ADGRB3: variants seen among roughly 807,000 people sequenced by gnomAD.
The protein encoded by ADGRB3 is brain-specific angiogenesis inhibitor 3.
A neutral mutation model predicts 193.4 loss-of-function variants in ADGRB3; 37 were observed. The observed-to-expected ratio is 0.19, with a 90% CI of 0.15 to 0.25. The LOEUF is 0.25. Ranked by LOEUF, ADGRB3 falls within the 10% of genes least tolerant of loss-of-function variation. The probability of loss-of-function intolerance (pLI) is 1.00; values close to 1 mark genes in which losing one functional copy is unlikely to be tolerated. For synonymous variants in ADGRB3, 690 were observed against 644.2 expected (o/e 1.07, Z -1.08); for missense variants, 1,637 against 1,852.9 (o/e 0.88, Z 2.14).
intron 3 of ADGRB3, among the ~76,000 whole-genome samples, chr6:68,922,539 C>G (rs1409842484): frequency 6.6e-6 from 1 of 152,208 alleles, no homozygotes; most frequent in African/African-American, 2.4e-5. Context: ...GTTCATCGAG[C>G]TTGACCAGGT....
intron 3 of ADGRB3, among the ~76,000 whole-genome samples, chr6:68,924,034 C>A (rs1767115022): frequency 6.6e-6 from 1 of 152,022 alleles, no homozygotes; most frequent in East Asian, 1.9e-4. Context: ...TGAAACAAAT[C>A]GACAACAAAA....
intron 18 of ADGRB3, among the ~76,000 whole-genome samples, chr6:69,233,961 GT>G (rs1483313186): frequency 6.6e-6 from 1 of 152,072 alleles, no homozygotes; most frequent in African/African-American, 2.4e-5. Context: ...ATAGTATATA[GT>G]TTTTCAAAAA....
At chr6:69,294,660 T>C (rs1363555719) in intron 20 of ADGRB3, among the ~76,000 whole-genome samples, 1 of 152,168 alleles carries the variant, frequency 6.6e-6, no homozygotes, top group Non-Finnish European at 1.5e-5. Flanking sequence ...ATAATGAAGA[T>C]AAAATCCGTG....
At chr6:68,833,019 G>A (rs1244154092) in intron 3 of ADGRB3, among the ~76,000 whole-genome samples, 1 of 152,070 alleles carries the variant, frequency 6.6e-6, no homozygotes, top group Non-Finnish European at 1.5e-5. Context: ...TCAGAAATAT[G>A]ATCAGCCCAT....
At chr6:69,129,482 T>TA (rs3839466) in intron 17 of ADGRB3, among the ~76,000 whole-genome samples, 2 of 152,034 alleles carry the variant, frequency 1.3e-5, no homozygotes, top group East Asian at 3.9e-4. Context: ...TAAAAGAGCT[T>TA]AAAAAAACAT....
chr6:69,126,919 C>T (rs965415561), intron 17 of ADGRB3, among the ~76,000 whole-genome samples: 2 of 152,132 alleles, frequency 1.3e-5, no homozygotes, highest in Non-Finnish European at 1.5e-5. Flanking sequence ...CTCCTCAGTC[C>T]AGACCCTCTT....
At chr6:69,177,175 T>A (rs931282108) in intron 17 of ADGRB3, among the ~76,000 whole-genome samples, 2 of 152,078 alleles carry the variant, frequency 1.3e-5, no homozygotes, top group South Asian at 4.1e-4. Flanking sequence ...TTGGGGTTAG[T>A]TTTTTCTTGT....
At chr6:68,745,452 G>A (rs1470551887) in intron 3 of ADGRB3, among the ~76,000 whole-genome samples, 2 of 152,066 alleles carry the variant, frequency 1.3e-5, no homozygotes, top group Non-Finnish European at 2.9e-5. Context: ...GGGAAGAGAG[G>A]AGTTGTTTAA....
chr6:69,240,085 A>G (rs1017942386), intron 20 of ADGRB3, among the ~76,000 whole-genome samples: 1 of 152,024 alleles, frequency 6.6e-6, no homozygotes, highest in African/African-American at 2.4e-5. Flanking sequence ...ATACACTTTG[A>G]TAGGTTCTTT....
intron 17 of ADGRB3, among the ~76,000 whole-genome samples, chr6:69,218,338 A>G (rs1411241269): frequency 6.6e-6 from 1 of 152,136 alleles, no homozygotes; most frequent in African/African-American, 2.4e-5. Flanking sequence ...TCATAATTTT[A>G]TATAAACTGT....
chr6:68,998,229 T>A (rs1169107409), intron 11 of ADGRB3, among the ~76,000 whole-genome samples: 2 of 152,206 alleles, frequency 1.3e-5, no homozygotes, highest in Admixed American at 6.5e-5. Flanking sequence ...TAAAATCACA[T>A]GAGCCACTGC....
intron 6 of ADGRB3, among the ~76,000 whole-genome samples, chr6:68,949,822 G>T (rs2150253834): frequency 6.6e-6 from 1 of 152,036 alleles, no homozygotes; most frequent in Non-Finnish European, 1.5e-5. Context: ...TAAATTAATT[G>T]TGTCTTTATT....
At chr6:69,044,263 C>G (rs1302020373) in intron 13 of ADGRB3, among the ~76,000 whole-genome samples, 2 of 152,150 alleles carry the variant, frequency 1.3e-5, no homozygotes, top group Admixed American at 6.5e-5. Flanking sequence ...CATTCTCGCT[C>G]CTAGACTTTT....
chr6:68,776,553 C>G (rs1364675700), intron 3 of ADGRB3, among the ~76,000 whole-genome samples: 1 of 152,174 alleles, frequency 6.6e-6, no homozygotes, highest in Non-Finnish European at 1.5e-5. Flanking sequence ...GACTCCCACT[C>G]TTAAACATTG....
intron 11 of ADGRB3, among the ~76,000 whole-genome samples, chr6:69,010,928 A>T (rs73745913): frequency 0.019 from 2,862 of 152,144 alleles, 82 homozygotes; most frequent in African/African-American, 0.065. Context: ...ATGGAGTTTT[A>T]AAAGAACACT....
chr6:69,321,131 CTAGTCCA>C (rs1209096647), intron 20 of ADGRB3, among the ~76,000 whole-genome samples: 3 of 151,732 alleles, frequency 2.0e-5, no homozygotes, highest in African/African-American at 7.3e-5. Context: ...CTCACAGTCT[CTAGTCCA>C]TCACAGTTAA....
intron 3 of ADGRB3, among the ~76,000 whole-genome samples, chr6:68,893,486 TGATAAA>T (rs1403945914): frequency 2.0e-5 from 3 of 150,230 alleles, no homozygotes; most frequent in Non-Finnish European, 4.4e-5. Flanking sequence ...ACATACCTAC[TGATAAA>T]GAAAAAAAAG....
At chr6:69,351,514 A>T (rs1489890062) in intron 26 of ADGRB3, among the ~76,000 whole-genome samples, 1 of 152,258 alleles carries the variant, frequency 6.6e-6, no homozygotes, top group African/African-American at 2.4e-5. Context: ...CAGAGAATCT[A>T]GCACTTAAAT....
intron 20 of ADGRB3, among the ~76,000 whole-genome samples, chr6:69,267,108 AG>A (rs1767062621): frequency 6.6e-6 from 1 of 152,088 alleles, no homozygotes; most frequent in African/African-American, 2.4e-5. Flanking sequence ...TCTATTTGTC[AG>A]GGCGAGGCTT....
Sources: gnomAD v4.1 joint callset for allele counts (sites outside exome capture counted in the v4.1 genomes callset) on GRCh38, gnomAD v4.1.1 for gene constraint, MANE v1.5 for transcripts, NCBI Gene and HGNC (gene_info 2026-07-23, HGNC 2026-07-21) for gene names.